Variants in MTCP1 observed in about 807,000 individuals in gnomAD.
MTCP1 encodes protein p13 MTCP-1.
Under a neutral mutation model 10.6 loss-of-function variants are expected in MTCP1, and 2 were observed. That is an observed-to-expected ratio of 0.19 (90% CI 0.08 to 0.59). MTCP1 has a LOEUF of 0.59. Ranked by LOEUF, MTCP1 falls within the 20% of genes least tolerant of loss-of-function variation. MTCP1 has a pLI of 0.90. For synonymous variants in MTCP1, 29 were observed against 34.4 expected (o/e 0.84, Z 0.55); for missense variants, 33 against 91.5 (o/e 0.36, Z 2.61).
rs782044645 is a variant in MTCP1, at chrX:155,064,318, G to A, written c.*1086C>T. ...CCAACGTTAGGCTAGAGGAGCCGAC[G>A]GCGCAGCCTGGCTCTATCATTCGCA... On this transcript the variant is annotated 3_prime_UTR_variant, in exon 5 of 5. Transcript: ENST00000369476. 2.2e-5 allele frequency: 4 copies of A among 180,378 alleles called. No homozygotes were observed. The highest frequency in any genetic ancestry group is 3.1e-5 in the Non-Finnish European group (3 of 97,471). The allele number at this position is 180,378 out of a possible 1,213,427, so 14.9% of individuals were successfully genotyped here. A position where few individuals can be genotyped will look rare whatever the true frequency, so the allele number is the denominator to read the frequency against.
At position 155,067,949 on chromosome X, in the gene MTCP1, C is replaced by T. The variant is rs781823501; in HGVS notation, c.-47-1892G>A. Among the ~76,000 whole-genome samples, 7 of 112,383 alleles carry T rather than the reference C, an allele frequency of 6.2e-5. No homozygotes were observed. In the South Asian group the frequency reaches 2.2e-3, roughly 36 times the overall value. On this transcript the variant is annotated intron_variant, in intron 1 of 4. Coordinates refer to ENST00000369476, the MANE Select transcript of MTCP1 (RefSeq NM_001018025.4). ...TTTTTCCAAAGCCCCCCTTTTTTCCCATTTGCAGATACAGTTGTTTTGCCT... is the reference window on the plus strand; with the variant it reads ...TTTTTCCAAAGCCCCCCTTTTTTCCTATTTGCAGATACAGTTGTTTTGCCT...
At position 155,064,264 on chromosome X, in the gene MTCP1, T is replaced by A; in HGVS notation, c.*1140A>T. On this transcript the variant is annotated 3_prime_UTR_variant, in exon 5 of 5. Coordinates refer to ENST00000369476, the MANE Select transcript of MTCP1 (RefSeq NM_001018025.4). ...CTTTACATGGAAAAAAAACCTTGAA[T>A]TCAATCAACTCTTTTTGAATACTGT... The A allele has an allele frequency of 3.9e-6, 1 of 256,637 alleles. No homozygotes were observed. The highest frequency in any genetic ancestry group is 7.0e-6 in the Non-Finnish European group (1 of 143,453). The allele number at this position is 256,637 out of a possible 1,213,427, so 21.1% of individuals were successfully genotyped here. A position where few individuals can be genotyped will look rare whatever the true frequency, so the allele number is the denominator to read the frequency against.
chrX:155,064,155 A>T lies in MTCP1; in HGVS notation c.*1249T>A, dbSNP rs1224382902. 2 of 402,842 alleles carry T rather than the reference A, an allele frequency of 5.0e-6. No individual in the cohort carries two copies. Among genetic ancestry groups the T allele is most frequent in the Non-Finnish European group, 8.5e-6 (2 of 234,645 alleles). 33.2% of individuals were successfully genotyped at this position (402,842 alleles called of 1,213,427 possible). On this transcript the variant is annotated 3_prime_UTR_variant, in exon 5 of 5. Coordinates refer to ENST00000369476, the MANE Select transcript of MTCP1 (RefSeq NM_001018025.4). Reference sequence around the variant, plus strand: ...CTTACAATTGCTGGAAAATAATTACACTAAAAATACTCTTCCCAAACATAG... The same window carrying T: ...CTTACAATTGCTGGAAAATAATTACTCTAAAAATACTCTTCCCAAACATAG...
In MTCP1 at chrX:155,065,247, C is replaced by T; in HGVS notation, c.*157G>A. The T allele has an allele frequency of 2.4e-6, 1 of 423,856 alleles. No homozygotes were observed. The highest frequency in any genetic ancestry group is 4.1e-6 in the Non-Finnish European group (1 of 241,298). 34.9% of individuals were successfully genotyped at this position (423,856 alleles called of 1,213,427 possible). On this transcript the variant is annotated 3_prime_UTR_variant, in exon 5 of 5. Transcript: ENST00000369476. ...TCTCTGCAGTTTCACTTGCAGTATT[C>T]TTCATGACCCTTGCTAAACTTCTGT...
intron 1 of MTCP1, 29 bp from the exon 2 acceptor site, chrX:155,066,086 G>T: frequency 1.2e-6 from 1 of 835,853 alleles, no homozygotes; most frequent in Non-Finnish European, 1.7e-6. Flanking sequence ...GGACACAGGT[G>T]TGACTTTTTG....
chrX:155,065,302 C>G lies in MTCP1; in HGVS notation c.*102G>C, dbSNP rs1230680993. The stretch of plus-strand genomic sequence containing the variant: ...TGAGCAGTTTTTCAACCCACTCCCT[C>G]CCCCCAGGCCCAAGGGTGGGTGCAC... On this transcript the variant is annotated 3_prime_UTR_variant, in exon 5 of 5. Coordinates refer to ENST00000369476, the MANE Select transcript of MTCP1 (RefSeq NM_001018025.4). The G allele has an allele frequency of 6.7e-6, 3 of 447,460 alleles. No individual in the cohort carries two copies. Among genetic ancestry groups the G allele is most frequent in the Non-Finnish European group, 1.2e-5 (3 of 256,730 alleles). 36.9% of individuals were successfully genotyped at this position (447,460 alleles called of 1,213,427 possible). A position where few individuals can be genotyped will look rare whatever the true frequency, so the allele number is the denominator to read the frequency against.
At chrX:155,066,329 A>C (rs2073948080) in intron 1 of MTCP1, among the ~76,000 whole-genome samples, 1 of 112,614 alleles carries the variant, frequency 8.9e-6, no homozygotes, top group South Asian at 3.6e-4. Context: ...CTAGCACTAC[A>C]GGAAGCTGGG....
chrX:155,065,556 T>G lies in MTCP1; in HGVS notation c.277-19A>C. The G allele has an allele frequency of 2.5e-6, 3 of 1,210,134 alleles. No homozygotes were observed. Among genetic ancestry groups the G allele is most frequent in the Non-Finnish European group, 3.4e-6 (3 of 894,037 alleles). ...CCCTGACCTGTCAGAAAAAGAAAAG[T>G]TTATGGAGTACTCTGTTACGAGAGT... On this transcript the variant is annotated intron_variant, in intron 3 of 4. Coordinates refer to ENST00000369476, the MANE Select transcript of MTCP1 (RefSeq NM_001018025.4).
At position 155,064,060 on chromosome X, in the gene MTCP1, T is replaced by C; in HGVS notation, c.*1344A>G. 1 of 1,149,755 alleles carries C rather than the reference T, an allele frequency of 8.7e-7. No individual in the cohort carries two copies. The highest frequency in any genetic ancestry group is 1.2e-6 in the Non-Finnish European group (1 of 858,766). 94.8% of individuals were successfully genotyped at this position (1,149,755 alleles called of 1,213,427 possible). ...TAAAACAAGAAAAATGATTTTTATT[T>C]TTCTTTTTTCCATAAAGACTTTAAA... On this transcript the variant is annotated 3_prime_UTR_variant, in exon 5 of 5. Transcript: ENST00000369476.
rs1320479515 is a variant in MTCP1, at chrX:155,070,743, G to A, written c.-97C>T. The stretch of plus-strand genomic sequence containing the variant: ...ATTAATCCGCCTTGAGAACAGCTAG[G>A]CTAAAACTTCCAGGTCTCCCACCCT... On this transcript the variant is annotated 5_prime_UTR_variant, in exon 1 of 5. Coordinates refer to ENST00000369476, the MANE Select transcript of MTCP1 (RefSeq NM_001018025.4). 2.7e-5 allele frequency: 3 copies of A among 111,891 alleles called. No homozygotes were observed. Among genetic ancestry groups the A allele is most frequent in the African/African-American group, 9.8e-5 (3 of 30,729 alleles). 9.2% of individuals were successfully genotyped at this position (111,891 alleles called of 1,213,427 possible).
intron 1 of MTCP1, among the ~76,000 whole-genome samples, chrX:155,068,012 A>C (rs12558406): frequency 1.9e-3 from 212 of 112,423 alleles, no homozygotes; most frequent in South Asian, 3.3e-3. Context: ...AGAAATACAA[A>C]TAAAAACCTG....
intron 1 of MTCP1, among the ~76,000 whole-genome samples, chrX:155,067,290 G>A (rs782326626): frequency 1.1e-4 from 12 of 111,807 alleles, no homozygotes; most frequent in Non-Finnish European, 1.9e-4. Flanking sequence ...TTTCAAACTC[G>A]TCTAAACTTT....
intron 1 of MTCP1, among the ~76,000 whole-genome samples, chrX:155,066,798 AG>A (rs1164382145): frequency 9.0e-6 from 1 of 111,576 alleles, no homozygotes; most frequent in African/African-American, 3.3e-5. Context: ...AGGATGTTAC[AG>A]GAGCCCATTT....
At position 155,065,917 on chromosome X, in the gene MTCP1, C is replaced by A. The variant is rs782472203; in HGVS notation, c.94G>T (p.Val32Phe). 1 of 1,208,856 alleles carries A rather than the reference C, an allele frequency of 8.3e-7. No individual in the cohort carries two copies. Among genetic ancestry groups the A allele is most frequent in the African/African-American group, 1.7e-5 (1 of 57,285 alleles). ...ATGTAAACAGTTACCTCTTCCACGA[C>A]GGCCACCCACGTGCGCTGGTATTCG... The part of the protein sequence containing the change: ...RDEYQRTWVA[V>F]VEEETSFLRA... The change falls in exon 2 of 5, where the codon GTC becomes TTC. Residue 32 changes from valine (V) to phenylalanine (F), a missense_variant. Coordinates refer to ENST00000369476, the MANE Select transcript of MTCP1 (RefSeq NM_001018025.4).
intron 1 of MTCP1, among the ~76,000 whole-genome samples, 197 bp from the exon 2 acceptor site, chrX:155,066,254 T>C (rs1557292012): frequency 1.8e-5 from 2 of 112,568 alleles, no homozygotes; most frequent in African/African-American, 6.5e-5. Context: ...GAGCCTCAGG[T>C]AGTGCTGCTG....
In MTCP1 at chrX:155,065,864, T is replaced by C. The variant is rs1557291977; in HGVS notation, c.105+42A>G. On this transcript the variant is annotated intron_variant, in intron 2 of 4. Transcript: ENST00000369476. Reference sequence around the variant, plus strand: ...AGACTGGAATAGAAACCAAGTTACTTGAAAGCAAAATCAAAGAAATAAGCA... The same window carrying C: ...AGACTGGAATAGAAACCAAGTTACTCGAAAGCAAAATCAAAGAAATAAGCA... 5 of 1,199,597 alleles carry C rather than the reference T, an allele frequency of 4.2e-6. No individual in the cohort carries two copies. In the Admixed American group the frequency reaches 8.8e-5, roughly 21 times the overall value.
At chrX:155,066,088 G>C (rs1457093705) in intron 1 of MTCP1, 31 bp from the exon 2 acceptor site, 1 of 809,420 alleles carries the variant, frequency 1.2e-6, no homozygotes, top group Non-Finnish European at 1.8e-6. Context: ...ACACAGGTGT[G>C]ACTTTTTGGG....
chrX:155,068,607 A>G (rs782649311), intron 1 of MTCP1, among the ~76,000 whole-genome samples: 3 of 112,596 alleles, frequency 2.7e-5, no homozygotes, highest in African/African-American at 9.7e-5. Context: ...CACAGGTTTT[A>G]TGAGTGGAAA....
rs782003255 is a variant in MTCP1 at position 155,065,653 on chromosome X, T to C, written c.242A>G (p.Asn81Ser). 12 of 1,208,750 alleles carry C rather than the reference T, an allele frequency of 9.9e-6. No homozygotes were observed. The highest frequency in any genetic ancestry group is 8.9e-5 in the East Asian group (3 of 33,739). Reference protein sequence around the residue: ...LYPEERYMDNNSRLWQIQHHL... With the variant: ...LYPEERYMDNSSRLWQIQHHL... ...ATGCTGTATCTGCCACAAGCGAGAG[T>C]TGTTATCCATGTAGCGCTCCTCCGG... Residue 81 changes from asparagine (N) to serine (S), a missense_variant, in exon 3 of 5, where the codon AAC (asparagine) becomes AGC (serine). Coordinates refer to ENST00000369476, the MANE Select transcript of MTCP1 (RefSeq NM_001018025.4).
Sources: allele counts gnomAD v4.1 joint callset (sites outside exome capture counted in the v4.1 genomes callset), GRCh38; gene constraint gnomAD v4.1.1; transcripts MANE v1.5; gene names NCBI Gene and HGNC (gene_info 2026-07-23, HGNC 2026-07-21).